Variants in CRPPA observed in about 807,000 individuals in gnomAD.
CRPPA encodes CDP-L-ribitol pyrophosphorylase A.
Under a neutral mutation model 52.0 loss-of-function variants are expected in CRPPA, and 43 were observed. The observed-to-expected ratio is 0.83, with a 90% confidence interval of 0.65 to 1.07. The LOEUF (loss-of-function observed/expected upper bound fraction) is 1.07. Ranked by LOEUF, CRPPA falls within the 50% of genes least tolerant of loss-of-function variation. The pLI, the probability that CRPPA is intolerant of heterozygous loss-of-function variation, is 0.00. For missense variants in CRPPA, 629 were observed against 551.7 expected (o/e 1.14, Z -1.40); for synonymous variants, 250 against 203.5 (o/e 1.23, Z -1.94).
intron 8 of CRPPA, among the ~76,000 whole-genome samples, chr7:16,248,921 T>A (rs183590185): frequency 6.0e-4 from 91 of 152,294 alleles, no homozygotes; most frequent in Middle Eastern, 3.4e-3. Context: ...CTCCAATGTT[T>A]GGCTCAGTGG....
intron 3 of CRPPA, among the ~76,000 whole-genome samples, chr7:16,325,073 T>G (rs1223448523): frequency 6.6e-6 from 1 of 152,212 alleles, no homozygotes; most frequent in Admixed American, 6.5e-5. Context: ...TCTGTTGAAT[T>G]CATAAACACA....
intron 3 of CRPPA, among the ~76,000 whole-genome samples, chr7:16,325,554 G>A (rs1271185240): frequency 1.3e-5 from 2 of 152,106 alleles, no homozygotes; most frequent in African/African-American, 4.8e-5. Flanking sequence ...AAACACTCCT[G>A]AAAGAGTGAT....
chr7:16,234,633 T>C (rs1342214427), intron 8 of CRPPA, among the ~76,000 whole-genome samples: 3 of 152,130 alleles, frequency 2.0e-5, no homozygotes, highest in Non-Finnish European at 2.9e-5. Flanking sequence ...CATATCTGCC[T>C]CCTTCTTTTC....
At chr7:16,292,456 A>G (rs1434882961) in intron 5 of CRPPA, among the ~76,000 whole-genome samples, 10 of 151,886 alleles carry the variant, frequency 6.6e-5, no homozygotes, top group Admixed American at 6.6e-4. Context: ...TCTTTCAAGG[A>G]GTTGATGGTA....
At chr7:16,411,815 T>G (rs1213583573) in intron 1 of CRPPA, among the ~76,000 whole-genome samples, 2 of 152,196 alleles carry the variant, frequency 1.3e-5, no homozygotes, top group Non-Finnish European at 2.9e-5. Flanking sequence ...ACTAAATAAG[T>G]AGTATTTTTA....
At chr7:16,195,229 C>G (rs1169420655) in intron 9 of CRPPA, among the ~76,000 whole-genome samples, 2 of 152,086 alleles carry the variant, frequency 1.3e-5, no homozygotes, top group Non-Finnish European at 2.9e-5. Flanking sequence ...TGGAATGTAT[C>G]CCACCAAGCC....
chr7:16,325,248 C>T (rs2128428387), intron 3 of CRPPA, among the ~76,000 whole-genome samples: 1 of 152,216 alleles, frequency 6.6e-6, no homozygotes, highest in Non-Finnish European at 1.5e-5. Context: ...CTATGTACTC[C>T]TTCTTTGAGC....
At chr7:16,350,600 T>C (rs1004976921) in intron 3 of CRPPA, among the ~76,000 whole-genome samples, 9 of 152,214 alleles carry the variant, frequency 5.9e-5, no homozygotes, top group Non-Finnish European at 1.3e-4. Flanking sequence ...CAAAAGCCTA[T>C]CATAGATATA....
intron 9 of CRPPA, among the ~76,000 whole-genome samples, chr7:16,152,959 T>C (rs1324370827): frequency 6.6e-6 from 1 of 152,058 alleles, no homozygotes; most frequent in African/African-American, 2.4e-5. Flanking sequence ...ATGTTGTATG[T>C]TGTTCAGCAT....
chr7:16,175,096 A>C (rs1365253897), intron 9 of CRPPA, among the ~76,000 whole-genome samples: 2 of 152,166 alleles, frequency 1.3e-5, no homozygotes, highest in Non-Finnish European at 2.9e-5. Flanking sequence ...CATGGGAACC[A>C]ATGAAAATGG....
At chr7:16,398,922 G>C (rs943895960) in intron 2 of CRPPA, among the ~76,000 whole-genome samples, 1 of 152,170 alleles carries the variant, frequency 6.6e-6, no homozygotes, top group Non-Finnish European at 1.5e-5. Context: ...ACACATGATC[G>C]AGTCGTTACT....
At position 16,132,542 on chromosome 7, in the gene CRPPA, G is replaced by C. The variant is rs1782698624; in HGVS notation, c.1252-40743C>G. Among the ~76,000 whole-genome samples, 2 of 124,520 alleles carry C rather than the reference G, an allele frequency of 1.6e-5. 1 individual carries two copies. Among genetic ancestry groups the C allele is most frequent in the South Asian group, 7.8e-4 (2 of 2,562 alleles). 81.7% of individuals were successfully genotyped at this position (124,520 alleles called of 152,430 possible). A position where few individuals can be genotyped will look rare whatever the true frequency, so the allele number is the denominator to read the frequency against. Reference sequence around the variant, plus strand: ...GTATATGTTTTAATGAGGTTAGAAAGAGGTAGAAAGTGGAAAAAGAGATTG... The same window carrying C: ...GTATATGTTTTAATGAGGTTAGAAACAGGTAGAAAGTGGAAAAAGAGATTG... On this transcript the variant is annotated intron_variant, in intron 9 of 9. Coordinates refer to ENST00000407010, the MANE Select transcript of CRPPA (RefSeq NM_001101426.4).
intron 3 of CRPPA, among the ~76,000 whole-genome samples, chr7:16,344,405 CAAAAAA>C (rs35320924): frequency 2.7e-4 from 27 of 99,346 alleles, no homozygotes; most frequent in African/African-American, 9.0e-4. Context: ...TATCTCTACC[CAAAAAA>C]AAAAAAAAAA....
chr7:16,342,292 A>C (rs1191960835), intron 3 of CRPPA, among the ~76,000 whole-genome samples: 5 of 152,142 alleles, frequency 3.3e-5, no homozygotes. Context: ...CTAATAAATC[A>C]AAAAAATAAA....
intron 9 of CRPPA, among the ~76,000 whole-genome samples, chr7:16,204,686 C>G (rs1162017197): frequency 1.3e-5 from 2 of 152,092 alleles, no homozygotes; most frequent in Non-Finnish European, 2.9e-5. Context: ...ATACCTAAGT[C>G]AAACTTTGGA....
At chr7:16,274,998 C>A (rs922673828) in intron 6 of CRPPA, among the ~76,000 whole-genome samples, 1 of 152,006 alleles carries the variant, frequency 6.6e-6, no homozygotes. Flanking sequence ...ATCATTTGAA[C>A]CTGGGAGGCG....
intron 3 of CRPPA, among the ~76,000 whole-genome samples, chr7:16,368,995 T>C (rs1487286300): frequency 6.6e-6 from 1 of 152,130 alleles, no homozygotes; most frequent in Non-Finnish European, 1.5e-5. Context: ...ACACATGAAA[T>C]TCATCCAGCA....
In CRPPA at chr7:16,308,640, C is replaced by G. The variant is rs764326666; in HGVS notation, c.685-13G>C. ...CATAGTCACTACACTGGTGTGGAAA[C>G]AACAACAACAACAATTAAGCTAAAA... On this transcript the variant is annotated splice_polypyrimidine_tract_variant and intron_variant, in intron 3 of 9. Transcript: ENST00000407010. The G allele has an allele frequency of 7.7e-7, 1 of 1,301,994 alleles. No individual in the cohort carries two copies. Among genetic ancestry groups the G allele is most frequent in the Non-Finnish European group, 1.1e-6 (1 of 910,312 alleles). 80.7% of individuals were successfully genotyped at this position (1,301,994 alleles called of 1,614,324 possible). A position where few individuals can be genotyped will look rare whatever the true frequency, so the allele number is the denominator to read the frequency against.
intron 8 of CRPPA, among the ~76,000 whole-genome samples, chr7:16,252,037 T>C (rs1017254031): frequency 2.4e-4 from 37 of 152,098 alleles, no homozygotes; most frequent in Admixed American, 2.2e-3. Flanking sequence ...TAAAAAATGA[T>C]AGAGAGCATA....
Sources: gnomAD v4.1 joint callset for allele counts (sites outside exome capture counted in the v4.1 genomes callset) on GRCh38, gnomAD v4.1.1 for gene constraint, MANE v1.5 for transcripts, NCBI Gene and HGNC (gene_info 2026-07-23, HGNC 2026-07-21) for gene names.